The following PSMA1 variants were observed in gnomAD, a reference collection of about 807,000 sequenced individuals.
The protein encoded by PSMA1 is proteasome subunit alpha type-1.
In PSMA1, 3 loss-of-function variants were observed where a neutral mutation model predicts 38.4. The observed-to-expected ratio is 0.08, with a 90% CI of 0.04 to 0.20. PSMA1 has a LOEUF of 0.20. Ranked by LOEUF, PSMA1 falls within the 10% of genes least tolerant of loss-of-function variation. The pLI is 1.00. For missense variants in PSMA1, 227 were observed against 325.3 expected, an observed-to-expected ratio of 0.70 and a Z score of 2.32; for synonymous variants, 101 against 107.1, an observed-to-expected ratio of 0.94 and a Z score of 0.35.
intron 2 of PSMA1, among the ~76,000 whole-genome samples, chr11:14,586,982 G>A (rs557833706): frequency 1.3e-4 from 20 of 152,096 alleles, no homozygotes; most frequent in Admixed American, 1.3e-3. Context: ...GGATGGTCTC[G>A]ATCTCCTGAC....
At chr11:14,585,903 A>G (rs144826351) in intron 2 of PSMA1, among the ~76,000 whole-genome samples, 1 of 152,290 alleles carries the variant, frequency 6.6e-6, no homozygotes, top group Non-Finnish European at 1.5e-5. Flanking sequence ...TCCAGACCCA[A>G]ATACAACCAA....
At chr11:14,589,383 G>GTGTA (rs143433129) in intron 2 of PSMA1, among the ~76,000 whole-genome samples, 2 of 149,886 alleles carry the variant, frequency 1.3e-5, no homozygotes, top group South Asian at 2.1e-4. Context: ...GTGTGTGTGT[G>GTGTA]TATATATATG....
In PSMA1 at chr11:14,513,674, G is replaced by C. The variant is rs1245417709; in HGVS notation, c.440C>G (p.Thr147Ser). 4 of 1,589,854 alleles carry C rather than the reference G, an allele frequency of 2.5e-6. No homozygotes were observed. The Admixed American group carries it at 7.4e-5, about 29-fold the overall frequency. The change falls in exon 7 of 10, where the codon ACC becomes AGC. Residue 147 changes from threonine to serine, a missense_variant. Physicochemically the swap from Thr to Ser is moderately conservative, Grantham distance 58. Transcript: ENST00000396394. Reference sequence around the variant, plus strand: ...GTCAAAATAGTTAGCAGATGGACAGGTTTGGAAAATGTGAGGGCCCATATC... The same window carrying C: ...GTCAAAATAGTTAGCAGATGGACAGCTTTGGAAAATGTGAGGGCCCATATC... ...YDDMGPHIFQ[T>S]CPSANYFDCR...
At chr11:14,509,558 G>A (rs1460788047) in intron 8 of PSMA1, among the ~76,000 whole-genome samples, 6 of 148,992 alleles carry the variant, frequency 4.0e-5, no homozygotes, top group Non-Finnish European at 8.9e-5. Context: ...GCACCGCCAC[G>A]CCCGGCTGAT....
intron 2 of PSMA1, among the ~76,000 whole-genome samples, chr11:14,584,520 T>G (rs571322647): frequency 1.3e-4 from 20 of 150,974 alleles, no homozygotes; most frequent in Middle Eastern, 3.4e-3. Context: ...TTTTTTTTTT[T>G]TTTTTTTAAA....
intron 2 of PSMA1, among the ~76,000 whole-genome samples, chr11:14,543,676 C>A (rs1472822725): frequency 6.6e-6 from 1 of 152,122 alleles, no homozygotes; most frequent in Non-Finnish European, 1.5e-5. Flanking sequence ...AATTAATTTA[C>A]ATACAGTAAG....
At chr11:14,598,349 G>T (rs918199881) in intron 2 of PSMA1, among the ~76,000 whole-genome samples, 1 of 151,986 alleles carries the variant, frequency 6.6e-6, no homozygotes, top group African/African-American at 2.4e-5. Flanking sequence ...ACAGTGGGGT[G>T]TTTGTCTCCC....
At chr11:14,540,812 G>A (rs907336323) in intron 2 of PSMA1, among the ~76,000 whole-genome samples, 1 of 151,946 alleles carries the variant, frequency 6.6e-6, no homozygotes, top group African/African-American at 2.4e-5. Flanking sequence ...TTGGGATGGG[G>A]GACAAAAACT....
chr11:14,642,122 C>A (rs1017641198), intron 1 of PSMA1, among the ~76,000 whole-genome samples: 2 of 152,176 alleles, frequency 1.3e-5, no homozygotes, highest in African/African-American at 4.8e-5. Context: ...CACACACACA[C>A]ACCTGTTAAT....
chr11:14,521,223 C>T (rs1041517128), upstream of PSMA1, among the ~76,000 whole-genome samples: 1 of 141,784 alleles, frequency 7.1e-6, no homozygotes, highest in Non-Finnish European at 1.5e-5. Flanking sequence ...TATTGGAGGC[C>T]GAGGGCGGAG....
intron 1 of PSMA1, among the ~76,000 whole-genome samples, chr11:14,625,461 TTG>T (rs926891506): frequency 6.6e-6 from 1 of 152,050 alleles, no homozygotes; most frequent in Non-Finnish European, 1.5e-5. Context: ...AAAAGAAAAT[TTG>T]TCACTCAAAT....
At chr11:14,586,042 T>C (rs1335697456) in intron 2 of PSMA1, among the ~76,000 whole-genome samples, 1 of 152,242 alleles carries the variant, frequency 6.6e-6, no homozygotes, top group Non-Finnish European at 1.5e-5. Flanking sequence ...CATTTTATTA[T>C]TCATGCCTAT....
intron 4 of PSMA1, among the ~76,000 whole-genome samples, chr11:14,515,309 G>A (rs1851406037): frequency 6.6e-6 from 1 of 152,148 alleles, no homozygotes; most frequent in Admixed American, 6.5e-5. Flanking sequence ...AGACTGAATT[G>A]AGATGTACAC....
chr11:14,567,040 T>C (rs756305608), intron 2 of PSMA1, among the ~76,000 whole-genome samples: 1 of 152,038 alleles, frequency 6.6e-6, no homozygotes, highest in Admixed American at 6.6e-5. Flanking sequence ...AGAGTCAAAA[T>C]TATGAGGGTG....
chr11:14,541,068 C>T (rs1249581564), intron 2 of PSMA1, among the ~76,000 whole-genome samples: 1 of 151,942 alleles, frequency 6.6e-6, no homozygotes, highest in Non-Finnish European at 1.5e-5. Context: ...TGAACATGTA[C>T]CCTAGAACTT....
At chr11:14,513,279 A>G (rs1548074) in intron 7 of PSMA1, among the ~76,000 whole-genome samples, 100,892 of 151,934 alleles carry the variant, frequency 0.66, 33,715 homozygotes, top group African/African-American at 0.7. Context: ...GTGGTTCTCC[A>G]CTCTCCACTC....
chr11:14,510,254 G>A lies in PSMA1; in HGVS notation c.624+618C>T, dbSNP rs574502330. Among the ~76,000 whole-genome samples the A allele has an allele frequency of 4.9e-4, 75 of 152,068 alleles. 1 individual carries two copies. The highest frequency in any genetic ancestry group is 1.7e-3 in the African/African-American group (69 of 41,476). On this transcript the variant is annotated intron_variant, in intron 8 of 9. Transcript: ENST00000396394. Reference sequence around the variant, plus strand: ...CTTAAATACTAGGGCCTTTGCATTTGTATTTCCTAGAATAATTTTGCTCTA... The same window carrying A: ...CTTAAATACTAGGGCCTTTGCATTTATATTTCCTAGAATAATTTTGCTCTA...
At chr11:14,510,505 T>C (rs1851326673) in intron 8 of PSMA1, among the ~76,000 whole-genome samples, 1 of 152,196 alleles carries the variant, frequency 6.6e-6, no homozygotes, top group Non-Finnish European at 1.5e-5. Context: ...CCTACTAGGA[T>C]GTACGTTCCA....
At chr11:14,585,161 G>A (rs1258986708) in intron 2 of PSMA1, among the ~76,000 whole-genome samples, 1 of 152,118 alleles carries the variant, frequency 6.6e-6, no homozygotes, top group South Asian at 2.1e-4. Context: ...CACTAGGCTC[G>A]ATTGCTTGTT....
Sources: gnomAD v4.1 joint callset for allele counts (sites outside exome capture counted in the v4.1 genomes callset) on GRCh38, gnomAD v4.1.1 for gene constraint, MANE v1.5 for transcripts, NCBI Gene and HGNC (gene_info 2026-07-23, HGNC 2026-07-21) for gene names.